The following TOX2 variants were observed in gnomAD, a reference collection of about 807,000 sequenced individuals.
The protein encoded by TOX2 is granulosa cell HMG box 1.
In TOX2, 15 loss-of-function variants were observed where a neutral mutation model predicts 47.4. The observed-to-expected ratio is 0.32, with a 90% CI of 0.21 to 0.49. TOX2 has a LOEUF of 0.49. TOX2 is among the 20% of genes least tolerant of loss of function. The probability of loss-of-function intolerance (pLI) is 0.99; values close to 1 mark genes in which losing one functional copy is unlikely to be tolerated. For synonymous variants in TOX2, 290 were observed against 296.6 expected (o/e 0.98, Z 0.23); for missense variants, 622 against 673.1 (o/e 0.92, Z 0.84).
chr20:43,928,167 A>T (rs1366816091), intron 1 of TOX2, among the ~76,000 whole-genome samples: 1 of 152,232 alleles, frequency 6.6e-6, no homozygotes, highest in Non-Finnish European at 1.5e-5. Context: ...TCAAGATGTG[A>T]GGCTGAAGAA....
chr20:43,928,988 A>AAAAAAAAAAAC (rs1447771865), intron 1 of TOX2, among the ~76,000 whole-genome samples: 2 of 150,218 alleles, frequency 1.3e-5, no homozygotes, highest in African/African-American at 5.0e-5. Context: ...TATGAAAAAA[A>AAAAAAAAAAAC]AAAAAAAAAA....
chr20:44,067,006 A>G (rs1185908391), intron 8 of TOX2, 149 bp downstream of exon 8: 7 of 1,212,406 alleles, frequency 5.8e-6, no homozygotes, highest in Non-Finnish European at 7.8e-6. Flanking sequence ...GATATCTCAG[A>G]TGACACCGCA....
Position 43,966,360 on chromosome 20 carries a change from G to A in TOX2, c.100-7007G>A, listed in dbSNP as rs145597553. Among the ~76,000 whole-genome samples, 444 of 152,288 alleles carry A rather than the reference G, an allele frequency of 2.9e-3. 3 individuals carry two copies. The highest frequency in any genetic ancestry group is 8.1e-3 in the South Asian group (39 of 4,822). Reference sequence around the variant, plus strand: ...TAAAAGCAAGCAAGACAGTGTTAAGGTTGGAGTTTGTAGCCAGAAATAAAG... The same window carrying A: ...TAAAAGCAAGCAAGACAGTGTTAAGATTGGAGTTTGTAGCCAGAAATAAAG... On this transcript the variant is annotated intron_variant, in intron 1 of 8. Coordinates refer to ENST00000341197, the MANE Select transcript of TOX2 (RefSeq NM_001098797.2).
intron 5 of TOX2, among the ~76,000 whole-genome samples, chr20:44,056,409 C>G (rs1161356791): frequency 1.3e-5 from 2 of 152,190 alleles, no homozygotes; most frequent in Non-Finnish European, 2.9e-5. Flanking sequence ...CAAAAGACTT[C>G]AGGTTGTTTT....
chr20:43,951,707 GTTT>G (rs59829203), intron 1 of TOX2, among the ~76,000 whole-genome samples: 897 of 55,092 alleles, frequency 0.016, 104 homozygotes, highest in Non-Finnish European at 0.027. Flanking sequence ...AACTTATTAT[GTTT>G]TTTTTTTTTT....
At chr20:44,057,458 C>CTAA (rs768111650) in intron 5 of TOX2, among the ~76,000 whole-genome samples, 26 of 152,064 alleles carry the variant, frequency 1.7e-4, no homozygotes, top group Non-Finnish European at 3.2e-4. Flanking sequence ...TATTAATACA[C>CTAA]TAATAACCAA....
At chr20:44,046,948 C>G (rs2071418722) in intron 3 of TOX2, among the ~76,000 whole-genome samples, 1 of 152,096 alleles carries the variant, frequency 6.6e-6, no homozygotes, top group South Asian at 2.1e-4. Flanking sequence ...ATATCCTAAG[C>G]TATAACAAAA....
chr20:44,046,536 T>G (rs1016994623), intron 3 of TOX2, among the ~76,000 whole-genome samples: 3 of 152,236 alleles, frequency 2.0e-5, no homozygotes, highest in Non-Finnish European at 4.4e-5. Flanking sequence ...TTATTCATAA[T>G]GCCCAACCAA....
chr20:44,039,337 G>T, intron 3 of TOX2: 4 of 1,280,426 alleles, frequency 3.1e-6, no homozygotes, highest in Non-Finnish European at 4.1e-6. Context: ...GGAGGAGAGA[G>T]ATTGTACAGA....
At chr20:43,999,524 A>C (rs2070539104) in intron 2 of TOX2, among the ~76,000 whole-genome samples, 1 of 152,234 alleles carries the variant, frequency 6.6e-6, no homozygotes, top group Admixed American at 6.5e-5. Flanking sequence ...AAATTTAACC[A>C]GGAAGGGGAA....
At chr20:44,002,616 CAA>C (rs2070603766) in intron 2 of TOX2, among the ~76,000 whole-genome samples, 2 of 152,146 alleles carry the variant, frequency 1.3e-5, no homozygotes, top group Non-Finnish European at 2.9e-5. Context: ...AGATCTTTTA[CAA>C]AGAAAAGAGG....
At chr20:44,030,544 A>G (rs1215206276) in intron 3 of TOX2, among the ~76,000 whole-genome samples, 1 of 151,912 alleles carries the variant, frequency 6.6e-6, no homozygotes, top group Non-Finnish European at 1.5e-5. Context: ...CCCTCCCACT[A>G]TCCTTCACTC....
chr20:43,930,269 C>T (rs1004475816), intron 1 of TOX2, among the ~76,000 whole-genome samples: 2 of 152,186 alleles, frequency 1.3e-5, no homozygotes, highest in African/African-American at 4.8e-5. Context: ...CACTCACCCT[C>T]TCTGGGCCTC....
At chr20:43,946,070 T>C in intron 1 of TOX2, 1 of 1,610,828 alleles carries the variant, frequency 6.2e-7, no homozygotes, top group Non-Finnish European at 8.5e-7. Flanking sequence ...CCCCATGAGG[T>C]GGAGGTGGTC....
chr20:44,050,979 G>C (rs2071499094), intron 3 of TOX2, among the ~76,000 whole-genome samples: 1 of 152,192 alleles, frequency 6.6e-6, no homozygotes, highest in Non-Finnish European at 1.5e-5. Flanking sequence ...TTGCATTCCA[G>C]GAGGGAAGAC....
intron 2 of TOX2, among the ~76,000 whole-genome samples, chr20:43,981,514 CTG>C (rs146430700): frequency 1.1e-4 from 17 of 152,102 alleles, no homozygotes; most frequent in East Asian, 5.8e-4. Context: ...GCATGTACCT[CTG>C]TGTGTGTGTG....
At chr20:43,969,175 C>T (rs944235269) in intron 1 of TOX2, among the ~76,000 whole-genome samples, 2 of 152,152 alleles carry the variant, frequency 1.3e-5, no homozygotes, top group Non-Finnish European at 2.9e-5. Context: ...GCTGTGTGTG[C>T]GTTGGTTGGT....
chr20:43,982,665 A>G lies in TOX2; in HGVS notation c.165+9233A>G, dbSNP rs148223778. On this transcript the variant is annotated intron_variant, in intron 2 of 8. Coordinates refer to ENST00000341197, the MANE Select transcript of TOX2 (RefSeq NM_001098797.2). ...TGAGGAGCCCACTGCCCAGCACAGC[A>G]TGGTGGCTGAGCTGAAGGGCCCTGG... Among the ~76,000 whole-genome samples the G allele has an allele frequency of 2.0e-5, 3 of 151,942 alleles. No homozygotes were observed. In the East Asian group the frequency reaches 5.9e-4, roughly 30 times the overall value.
At chr20:44,053,307 C>T (rs1569138700) in intron 4 of TOX2, among the ~76,000 whole-genome samples, 1 of 152,072 alleles carries the variant, frequency 6.6e-6, no homozygotes, top group South Asian at 2.1e-4. Flanking sequence ...TCGTGCCCTC[C>T]CCACTTCACA....
Sources: gnomAD v4.1 joint callset for allele counts (sites outside exome capture counted in the v4.1 genomes callset) on GRCh38, gnomAD v4.1.1 for gene constraint, MANE v1.5 for transcripts, NCBI Gene and HGNC (gene_info 2026-07-23, HGNC 2026-07-21) for gene names.